Variants in EFCAB13 observed in about 807,000 individuals in gnomAD.
The protein encoded by EFCAB13 is EF-hand calcium binding domain 13, also known as EF-hand calcium-binding domain-containing protein 13.
Under a neutral mutation model 110.2 loss-of-function variants are expected in EFCAB13, and 91 were observed. The ratio of observed to expected loss-of-function variants is 0.83; its 90% CI spans 0.70 to 0.98. The LOEUF is 0.98. EFCAB13 is among the 50% of genes least tolerant of loss of function. The pLI, the probability that EFCAB13 is intolerant of heterozygous loss-of-function variation, is 0.00. For synonymous variants in EFCAB13, 323 were observed against 369.9 expected (o/e 0.87, Z 1.45); for missense variants, 968 against 1,119.4 (o/e 0.86, Z 1.93).
intron 23 of EFCAB13, among the ~76,000 whole-genome samples, chr17:47,427,074 T>C (rs936785805): frequency 6.6e-6 from 1 of 152,124 alleles, no homozygotes; most frequent in Admixed American, 6.5e-5. Context: ...TATCATATGA[T>C]AGTTGTAAGA....
chr17:47,344,338 T>G, intron 7 of EFCAB13, 46 bp downstream of exon 7: 1 of 1,587,570 alleles, frequency 6.3e-7, no homozygotes, highest in Non-Finnish European at 8.6e-7. Context: ...GGGTTCAGAC[T>G]TGGGTGTTTC....
intron 18 of EFCAB13, 78 bp downstream of exon 18, chr17:47,402,281 T>G: frequency 7.8e-7 from 1 of 1,281,272 alleles, no homozygotes; most frequent in Non-Finnish European, 1.1e-6. Context: ...TTTAATGCTG[T>G]GTGTTCACCT....
At chr17:47,374,335 A>T in intron 11 of EFCAB13, 137 bp from the exon 12 acceptor site, 2 of 670,634 alleles carry the variant, frequency 3.0e-6, no homozygotes, top group Non-Finnish European at 4.5e-6. Flanking sequence ...TCAGTTCTTT[A>T]ATTTTTTTGG....
chr17:47,333,506 A>G (rs1288090061), intron 4 of EFCAB13, among the ~76,000 whole-genome samples: 1 of 152,122 alleles, frequency 6.6e-6, no homozygotes, highest in Admixed American at 6.5e-5. Context: ...CCAACAAATC[A>G]TTCCCCAGAC....
intron 24 of EFCAB13, among the ~76,000 whole-genome samples, chr17:47,434,647 T>C (rs1272917482): frequency 6.6e-6 from 1 of 152,176 alleles, no homozygotes; most frequent in African/African-American, 2.4e-5. Context: ...CAAACTATAC[T>C]GCAAGGCAGT....
intron 9 of EFCAB13, among the ~76,000 whole-genome samples, chr17:47,358,304 CAA>C (rs2065492334): frequency 6.6e-6 from 1 of 152,032 alleles, no homozygotes; most frequent in African/African-American, 2.4e-5. Flanking sequence ...AGTTAGAAAT[CAA>C]GAGACTCCCT....
At chr17:47,325,943 T>TATATATATATAGC (rs2065282478) in intron 2 of EFCAB13, among the ~76,000 whole-genome samples, 1 of 103,248 alleles carries the variant, frequency 9.7e-6, no homozygotes, top group African/African-American at 4.3e-5. Flanking sequence ...TATATATATA[T>TATATATATATAGC]ATATATATAT....
intron 21 of EFCAB13, among the ~76,000 whole-genome samples, chr17:47,412,169 T>C (rs886772244): frequency 3.3e-5 from 5 of 152,172 alleles, no homozygotes; most frequent in African/African-American, 1.2e-4. Flanking sequence ...TTTAAATTGG[T>C]GTGAGATCAA....
At chr17:47,338,162 G>C (rs1381926987) in intron 5 of EFCAB13, among the ~76,000 whole-genome samples, 1 of 151,922 alleles carries the variant, frequency 6.6e-6, no homozygotes, top group Admixed American at 6.6e-5. Flanking sequence ...ATATATGGGG[G>C]ATATAAAGCA....
intron 7 of EFCAB13, 133 bp downstream of exon 7, chr17:47,344,425 A>C (rs2065403858): frequency 1.8e-6 from 2 of 1,124,112 alleles, no homozygotes; most frequent in East Asian, 5.0e-5. Context: ...GATTGTGTAG[A>C]GATAAGAGCA....
At chr17:47,337,585 TA>T (rs1280261615) in intron 5 of EFCAB13, among the ~76,000 whole-genome samples, 1 of 152,192 alleles carries the variant, frequency 6.6e-6, no homozygotes, top group African/African-American at 2.4e-5. Flanking sequence ...AGCTCATAAT[TA>T]AAAAATACAC....
At chr17:47,393,434 C>T (rs2065719198) in intron 15 of EFCAB13, among the ~76,000 whole-genome samples, 1 of 152,122 alleles carries the variant, frequency 6.6e-6, no homozygotes, top group African/African-American at 2.4e-5. Context: ...ATGTACATGG[C>T]AGCACTGATC....
intron 12 of EFCAB13, among the ~76,000 whole-genome samples, chr17:47,377,179 A>G (rs994371304): frequency 2.0e-5 from 3 of 152,048 alleles, no homozygotes; most frequent in Admixed American, 2.0e-4. Flanking sequence ...ACACACATAC[A>G]CATACAAACA....
chr17:47,331,152 T>G (rs1026623995), intron 4 of EFCAB13, among the ~76,000 whole-genome samples: 21 of 152,162 alleles, frequency 1.4e-4, no homozygotes, highest in African/African-American at 4.6e-4. Flanking sequence ...TTTGAATTCC[T>G]TGTAAATTCT....
Position 47,420,861 on chromosome 17 carries a change from T to TG in EFCAB13, c.2494+5949dup, listed in dbSNP as rs1297673556. On this transcript the variant is annotated intron_variant, in intron 23 of 24. Coordinates refer to ENST00000331493, the MANE Select transcript of EFCAB13 (RefSeq NM_152347.5). ...CCAGCCACCCCGTCCGGGAGGGAGG[T>TG]GGGGGGGTCAGCCCCCCGCCCGGCC... Among the ~76,000 whole-genome samples, 51 of 140,154 alleles carry TG rather than the reference T, an allele frequency of 3.6e-4. No individual in the cohort carries two copies. In the South Asian group the frequency reaches 3.7e-3, roughly 10 times the overall value. 91.9% of individuals were successfully genotyped at this position (140,154 alleles called of 152,430 possible).
chr17:47,408,424 G>A (rs544861439), intron 20 of EFCAB13, among the ~76,000 whole-genome samples: 1 of 152,290 alleles, frequency 6.6e-6, no homozygotes, highest in East Asian at 1.9e-4. Flanking sequence ...GCCAAGGCGG[G>A]CAGATCACCT....
intron 14 of EFCAB13, among the ~76,000 whole-genome samples, chr17:47,381,407 T>A (rs1461296162): frequency 6.6e-6 from 1 of 152,194 alleles, no homozygotes; most frequent in Non-Finnish European, 1.5e-5. Context: ...TTTTGGTGTT[T>A]TAGTCATAAA....
chr17:47,370,569 CTTAAT>C, intron 11 of EFCAB13, 61 bp downstream of exon 11: 1 of 1,131,326 alleles, frequency 8.8e-7, no homozygotes, highest in Non-Finnish European at 1.3e-6. Context: ...TACATTAAAT[CTTAAT>C]TTATAAGTTT....
Position 47,359,555 on chromosome 17 carries a change from A to G in EFCAB13, c.662-1823A>G, listed in dbSNP as rs2065499177. ...TTTGTCAAGGCTAATTAAGGGGTGTAGTGGTCAGGGAGGATATAAATTTAG... is the reference window on the plus strand; with the variant it reads ...TTTGTCAAGGCTAATTAAGGGGTGTGGTGGTCAGGGAGGATATAAATTTAG... On this transcript the variant is annotated intron_variant, in intron 9 of 24. Coordinates refer to ENST00000331493, the MANE Select transcript of EFCAB13 (RefSeq NM_152347.5). Among the ~76,000 whole-genome samples, 5 of 133,130 alleles carry G rather than the reference A, an allele frequency of 3.8e-5. No individual in the cohort carries two copies. The South Asian group carries it at 1.2e-3, about 33-fold the overall frequency. 87.3% of individuals were successfully genotyped at this position (133,130 alleles called of 152,430 possible). A position where few individuals can be genotyped will look rare whatever the true frequency, so the allele number is the denominator to read the frequency against.
Sources: allele counts gnomAD v4.1 joint callset (sites outside exome capture counted in the v4.1 genomes callset), GRCh38; gene constraint gnomAD v4.1.1; transcripts MANE v1.5; gene names NCBI Gene and HGNC (gene_info 2026-07-23, HGNC 2026-07-21).